Variants in ROBO2 observed in about 807,000 individuals in gnomAD.
The protein encoded by ROBO2 is roundabout guidance receptor 2.
In ROBO2, 53 loss-of-function variants were observed where a neutral mutation model predicts 160.8. The ratio of observed to expected loss-of-function variants is 0.33; its 90% CI spans 0.26 to 0.41. ROBO2 has a LOEUF of 0.41. Ranked by LOEUF, ROBO2 falls within the 10% of genes least tolerant of loss-of-function variation. The pLI is 1.00. For synonymous variants in ROBO2, 664 were observed against 611.7 expected, an observed-to-expected ratio of 1.09 and a Z score of -1.26; for missense variants, 1,577 against 1,722.4, an observed-to-expected ratio of 0.92 and a Z score of 1.49.
At chr3:77,419,829 A>G (rs1050431556) in intron 2 of ROBO2, among the ~76,000 whole-genome samples, 1 of 152,176 alleles carries the variant, frequency 6.6e-6, no homozygotes. Flanking sequence ...AAGCTAGAAA[A>G]GCCTAATATT....
At chr3:76,318,605 A>G (rs1003005780) in intron 2 of ROBO2, among the ~76,000 whole-genome samples, 2 of 152,126 alleles carry the variant, frequency 1.3e-5, no homozygotes, top group African/African-American at 2.4e-5. Flanking sequence ...GTTGGGGTTC[A>G]TGAATGCATA....
intron 1 of ROBO2, among the ~76,000 whole-genome samples, chr3:77,055,445 T>A (rs12714456): frequency 2.0e-5 from 3 of 151,990 alleles, no homozygotes; most frequent in Non-Finnish European, 4.4e-5. Context: ...ACAAAATCTC[T>A]TGAGGAGTTT....
intron 2 of ROBO2, among the ~76,000 whole-genome samples, chr3:76,511,461 C>T (rs542465061): frequency 2.6e-5 from 4 of 152,178 alleles, no homozygotes; most frequent in Non-Finnish European, 4.4e-5. Context: ...AAATTCTCAT[C>T]AAAATATTTA....
intron 2 of ROBO2, among the ~76,000 whole-genome samples, chr3:76,064,531 C>A (rs1355443405): frequency 6.6e-6 from 1 of 152,078 alleles, no homozygotes; most frequent in African/African-American, 2.4e-5. Flanking sequence ...GGCAAATTAT[C>A]GGTGATTTGA....
chr3:77,051,407 A>G (rs1379622901), intron 1 of ROBO2, among the ~76,000 whole-genome samples: 2 of 152,120 alleles, frequency 1.3e-5, no homozygotes, highest in Admixed American at 1.3e-4. Flanking sequence ...CCCTCTACTC[A>G]CAATCCAACA....
At position 77,295,114 on chromosome 3, in the gene ROBO2, G is replaced by T. The variant is rs138117033; in HGVS notation, c.389-182300G>T. The stretch of plus-strand genomic sequence containing the variant: ...GTAAATTTGACGGTTAAAAAGGTAA[G>T]CTGAGGCTAGGTCACCCCAGATATA... On this transcript the variant is annotated intron_variant, in intron 2 of 25. Coordinates refer to ENST00000461745, the Ensembl canonical transcript of ROBO2. 3.0e-3 allele frequency among the ~76,000 whole-genome samples: 453 copies of T among 151,026 alleles called. 11 individuals are homozygous for T. The highest frequency in any genetic ancestry group is 0.011 in the African/African-American group (439 of 40,764).
At chr3:77,282,332 A>T (rs1405880163) in intron 2 of ROBO2, among the ~76,000 whole-genome samples, 2 of 152,096 alleles carry the variant, frequency 1.3e-5, no homozygotes, top group Non-Finnish European at 2.9e-5. Flanking sequence ...TTCATAACTT[A>T]TAAGGATGTA....
chr3:76,938,827 C>T (rs1442788416), intron 2 of ROBO2, among the ~76,000 whole-genome samples: 3 of 152,028 alleles, frequency 2.0e-5, no homozygotes, highest in African/African-American at 4.8e-5. Context: ...AAAAATTAGC[C>T]GGGCGTGGTG....
chr3:76,755,688 TATA>T (rs559221605), intron 2 of ROBO2, among the ~76,000 whole-genome samples: 15 of 151,876 alleles, frequency 9.9e-5, no homozygotes, highest in Admixed American at 3.3e-4. Flanking sequence ...ATAAAGCATT[TATA>T]ATAATAATTG....
intron 2 of ROBO2, among the ~76,000 whole-genome samples, chr3:76,601,036 C>A (rs141682068): frequency 6.6e-6 from 1 of 152,272 alleles, no homozygotes; most frequent in African/African-American, 2.4e-5. Context: ...CACACAAGTT[C>A]AAAATCCAGC....
chr3:77,291,782 A>T (rs1177548301), intron 2 of ROBO2, among the ~76,000 whole-genome samples: 1 of 151,478 alleles, frequency 6.6e-6, no homozygotes, highest in Admixed American at 6.6e-5. Flanking sequence ...ATTGAAGATT[A>T]AACGGGAAGT....
intron 1 of ROBO2, among the ~76,000 whole-genome samples, chr3:77,073,583 T>C (rs1236756612): frequency 6.6e-6 from 1 of 152,200 alleles, no homozygotes; most frequent in Non-Finnish European, 1.5e-5. Context: ...AAGCATTTCA[T>C]CAAAGGGTTG....
chr3:77,326,839 A>C (rs1054819757), intron 2 of ROBO2, among the ~76,000 whole-genome samples: 1 of 152,186 alleles, frequency 6.6e-6, no homozygotes, highest in African/African-American at 2.4e-5. Flanking sequence ...TCCCTGGTGG[A>C]GCTGTGGACG....
Position 77,617,840 on chromosome 3 carries a change from T to G in ROBO2, c.3554+67T>G. On this transcript the variant is annotated intron_variant, in intron 22 of 25. Coordinates refer to ENST00000461745, the Ensembl canonical transcript of ROBO2. ...CATGGAAATTTTTTTCAGAATAAAT[T>G]CACAAGAGATTCTGATAGAACTACA... The G allele has an allele frequency of 1.3e-6, 2 of 1,537,154 alleles. 1 individual carries two copies. The highest frequency in any genetic ancestry group is 2.3e-5 in the South Asian group (2 of 88,492).
intron 2 of ROBO2, among the ~76,000 whole-genome samples, chr3:76,268,547 A>G (rs1298998046): frequency 6.6e-6 from 1 of 152,104 alleles, no homozygotes; most frequent in East Asian, 1.9e-4. Context: ...CCATTCATGC[A>G]CAGAAAAAGA....
intron 2 of ROBO2, among the ~76,000 whole-genome samples, chr3:76,284,125 T>G (rs1231846008): frequency 6.6e-6 from 1 of 152,058 alleles, no homozygotes; most frequent in Non-Finnish European, 1.5e-5. Context: ...TTAAAAAATA[T>G]AGATGTATAG....
intron 2 of ROBO2, among the ~76,000 whole-genome samples, chr3:77,121,608 AT>A (rs2074778340): frequency 6.6e-6 from 1 of 152,086 alleles, no homozygotes; most frequent in African/African-American, 2.4e-5. Flanking sequence ...TAATAAATTA[AT>A]TAATATTTTC....
At chr3:76,038,406 A>G (rs556412191) in intron 2 of ROBO2, among the ~76,000 whole-genome samples, 2 of 152,096 alleles carry the variant, frequency 1.3e-5, no homozygotes, top group East Asian at 3.9e-4. Flanking sequence ...AGAATTATAG[A>G]GGTGTAAGGA....
rs1164233852 is a variant in ROBO2 at position 76,272,840 on chromosome 3, T to TTTATATATAAAA, written c.109+335239_109+335240insTATATATAAAAT. On this transcript the variant is annotated intron_variant, in intron 2 of 26. Coordinates refer to the ROBO2 transcript ENST00000487694. Reference sequence around the variant, plus strand: ...TGTATTTATATATAAAATATATATATTATATATTATATATAAAATATATAA... The same window carrying TTTATATATAAAA: ...TGTATTTATATATAAAATATATATATTTATATATAAAATATATATTATATATAAAATATATAA... Among the ~76,000 whole-genome samples the TTTATATATAAAA allele has an allele frequency of 2.0e-3, 6 of 2,974 alleles. No homozygotes were observed. The Admixed American group carries it at 0.023, about 11-fold the overall frequency. 2.0% of individuals were successfully genotyped at this position (2,974 alleles called of 152,430 possible). A position where few individuals can be genotyped will look rare whatever the true frequency, so the allele number is the denominator to read the frequency against.
Sources: gnomAD v4.1 joint callset for allele counts (sites outside exome capture counted in the v4.1 genomes callset) on GRCh38, gnomAD v4.1.1 for gene constraint, MANE v1.5 for transcripts, NCBI Gene and HGNC (gene_info 2026-07-23, HGNC 2026-07-21) for gene names.